The following PCDHGA9 variants were observed in gnomAD, a reference collection of about 807,000 sequenced individuals.
PCDHGA9 encodes protocadherin gamma subfamily A, 9, also known as protocadherin gamma-A9.
A neutral mutation model predicts 62.5 loss-of-function variants in PCDHGA9; 37 were observed. That is an observed-to-expected ratio of 0.59 (90% CI 0.46 to 0.78). The LOEUF (loss-of-function observed/expected upper bound fraction) is 0.78. Among genes scored for constraint, PCDHGA9 ranks in the 30% least tolerant of loss-of-function variants. The probability of loss-of-function intolerance (pLI) is 0.00; values close to 1 mark genes in which losing one functional copy is unlikely to be tolerated. For synonymous variants in PCDHGA9, 459 were observed against 484.6 expected, an observed-to-expected ratio of 0.95 and a Z score of 0.69; for missense variants, 1,138 against 1,166.2, an observed-to-expected ratio of 0.98 and a Z score of 0.35.
Position 141,476,279 on chromosome 5 carries a change from G to T in PCDHGA9, c.2425-18528G>T. The T allele has an allele frequency of 6.2e-7, 1 of 1,614,148 alleles. No individual in the cohort carries two copies. Among genetic ancestry groups the T allele is most frequent in the Non-Finnish European group, 8.5e-7 (1 of 1,180,024 alleles). On this transcript the variant is annotated intron_variant, in intron 1 of 3. Coordinates refer to ENST00000573521, the MANE Select transcript of PCDHGA9 (RefSeq NM_018921.3). This position sits in a 1 kb window ranked among gnomAD's most constrained non-coding sequence, Gnocchi z 7.6. ...TGTGGGCAACGTGGTCGCGAACCTT[G>T]GTTTGGATCTCGGTAGCCTCTCAGC...
chr5:141,408,728 C>A lies in PCDHGA9; in HGVS notation c.2424+3352C>A, dbSNP rs371316574. 3.7e-6 allele frequency: 6 copies of A among 1,610,174 alleles called. No individual in the cohort carries two copies. In the African/African-American group the frequency reaches 8.0e-5, roughly 22 times the overall value. ...TAAAGATTATAAGATAAACTCTAATCCTTATTTTTCATTAATGGTTAGAGT... is the reference window on the plus strand; with the variant it reads ...TAAAGATTATAAGATAAACTCTAATACTTATTTTTCATTAATGGTTAGAGT... On this transcript the variant is annotated intron_variant, in intron 1 of 3. Transcript: ENST00000573521.
intron 1 of PCDHGA9, among the ~76,000 whole-genome samples, chr5:141,488,007 G>A (rs1269050547): frequency 6.6e-6 from 1 of 152,178 alleles, no homozygotes; most frequent in African/African-American, 2.4e-5. Flanking sequence ...ATCAGATTCT[G>A]AAGTACCTTA....
At chr5:141,415,318 C>T (rs1324377536) in intron 1 of PCDHGA9, 4 of 1,614,252 alleles carry the variant, frequency 2.5e-6, no homozygotes, top group Admixed American at 1.7e-5. Flanking sequence ...CGTCATCGTG[C>T]TGCTGGCGCA....
In PCDHGA9 at chr5:141,476,742, G is replaced by C. The variant is rs1015622831; in HGVS notation, c.2425-18065G>C. 8.7e-6 allele frequency: 14 copies of C among 1,613,936 alleles called. No homozygotes were observed. Among genetic ancestry groups the C allele is most frequent in the Non-Finnish European group, 1.1e-5 (13 of 1,180,032 alleles). On this transcript the variant is annotated intron_variant, in intron 1 of 3. Transcript: ENST00000573521. The surrounding 1 kb of genome is among the most constrained non-coding windows in gnomAD (Gnocchi z 7.6). ...GCCCTGGACCGAGAACGGGAGCCTA[G>C]TCTCCAGTTAGTGCTGACGGCGTTG...
rs1219684339 is a variant in PCDHGA9, at chr5:141,506,444, CAA to C, written c.2572+983_2572+984del. Among the ~76,000 whole-genome samples the C allele has an allele frequency of 5.9e-3, 564 of 95,004 alleles. 2 individuals carry two copies. The highest frequency in any genetic ancestry group is 0.013 in the African/African-American group (317 of 25,186). 62.3% of individuals were successfully genotyped at this position (95,004 alleles called of 152,430 possible). Reference sequence around the variant, plus strand: ...CCTGGGCAACAGTCTCGCTCTGTCTCAAAAAAAAAAAAAAAAAAAAAGAGCAC... The same window carrying C: ...CCTGGGCAACAGTCTCGCTCTGTCTCAAAAAAAAAAAAAAAAAAAGAGCAC... On this transcript the variant is annotated intron_variant, in intron 3 of 3. Transcript: ENST00000573521.
chr5:141,420,974 T>C, intron 1 of PCDHGA9: 1 of 460,696 alleles, frequency 2.2e-6, no homozygotes, highest in Non-Finnish European at 3.8e-6. Flanking sequence ...ATAATAAGAA[T>C]GGGCTCTAGG....
At chr5:141,502,398 C>T (rs1303456458) in intron 2 of PCDHGA9, among the ~76,000 whole-genome samples, 1 of 151,688 alleles carries the variant, frequency 6.6e-6, no homozygotes, top group Non-Finnish European at 1.5e-5. Flanking sequence ...TTAAAATGTC[C>T]CCGAACCTGG....
intron 2 of PCDHGA9, among the ~76,000 whole-genome samples, chr5:141,503,518 G>A (rs576791899): frequency 6.7e-6 from 1 of 149,524 alleles, no homozygotes; most frequent in East Asian, 2.0e-4. Flanking sequence ...AGAATCACTT[G>A]AACCTGGGAG....
rs149649459 is a variant in PCDHGA9, at chr5:141,505,183, G to A, written c.2484-210G>A. ...TCTAAAACAAAAAGAAAAAAGCATC[G>A]GAGGCAGCAAAGAGCTGGTTTGAGG... On this transcript the variant is annotated intron_variant, in intron 2 of 3. Transcript: ENST00000573521. Among the ~76,000 whole-genome samples, 214 of 152,244 alleles carry A rather than the reference G, an allele frequency of 1.4e-3. 1 individual carries two copies. Among genetic ancestry groups the A allele is most frequent in the African/African-American group, 4.8e-3 (200 of 41,530 alleles).
At chr5:141,456,701 G>C (rs370086323) in intron 1 of PCDHGA9, among the ~76,000 whole-genome samples, 1 of 151,988 alleles carries the variant, frequency 6.6e-6, no homozygotes. Flanking sequence ...GTGGTGGCTC[G>C]CGCCTGTAAT....
intron 2 of PCDHGA9, among the ~76,000 whole-genome samples, chr5:141,497,578 T>C (rs2099778035): frequency 1.3e-5 from 2 of 150,806 alleles, no homozygotes; most frequent in South Asian, 4.2e-4. Context: ...CTTGCTCTGT[T>C]GCCCAAGCTG....
In PCDHGA9 at chr5:141,487,198, T is replaced by C; in HGVS notation, c.2425-7609T>C. ...AAGACACTCATCCAGTTGTCCCAGA[T>C]CTTCGAGAATCTTCAGCTCCAAGGG... On this transcript the variant is annotated intron_variant, in intron 1 of 3. Transcript: ENST00000573521. The surrounding 1 kb of genome is among the most constrained non-coding windows in gnomAD (Gnocchi z 5.0). The C allele has an allele frequency of 6.2e-7, 1 of 1,613,854 alleles. No homozygotes were observed.
intron 1 of PCDHGA9, among the ~76,000 whole-genome samples, chr5:141,450,022 T>TTTTC: frequency 6.7e-6 from 1 of 149,424 alleles, no homozygotes; most frequent in Admixed American, 6.7e-5. Context: ...TTTTTTTTTT[T>TTTTC]TTGAGACAGG....
chr5:141,499,029 A>AAGGAAGGAAGG lies in PCDHGA9; in HGVS notation c.2483+4165_2483+4166insGGAAGGAAGGA, dbSNP rs1562187768. ...GGAAGGAAGGAAGGAAGGAAGGAAG[A>AAGGAAGGAAGG]AAAGAAAGAAAAAGGGAGAAAAAAT... On this transcript the variant is annotated intron_variant, in intron 2 of 3. Transcript: ENST00000573521. 4.1e-4 allele frequency among the ~76,000 whole-genome samples: 57 copies of AAGGAAGGAAGG among 140,074 alleles called. 2 individuals are homozygous for AAGGAAGGAAGG. Among genetic ancestry groups the AAGGAAGGAAGG allele is most frequent in the African/African-American group, 1.4e-3 (52 of 36,074 alleles). 91.9% of individuals were successfully genotyped at this position (140,074 alleles called of 152,430 possible).
At chr5:141,408,936 A>T in intron 1 of PCDHGA9, 4 of 1,613,548 alleles carry the variant, frequency 2.5e-6, no homozygotes, top group Non-Finnish European at 1.7e-6. Flanking sequence ...TTCAGCAGAG[A>T]CGAATATAGA....
chr5:141,475,820 C>T (rs890721743), intron 1 of PCDHGA9: 2 of 351,808 alleles, frequency 5.7e-6, no homozygotes, highest in African/African-American at 2.1e-5. Context: ...AAGTTCCTGG[C>T]GCTAGCGCGT....
At chr5:141,480,195 G>A (rs1350891459) in intron 1 of PCDHGA9, among the ~76,000 whole-genome samples, 1 of 151,182 alleles carries the variant, frequency 6.6e-6, no homozygotes, top group Non-Finnish European at 1.5e-5. Context: ...CTTGAGGCCA[G>A]CAGTTCAAGA....
Position 141,431,278 on chromosome 5 carries a change from C to A in PCDHGA9, c.2424+25902C>A, listed in dbSNP as rs755533628. On this transcript the variant is annotated intron_variant, in intron 1 of 3. Transcript: ENST00000573521. The surrounding 1 kb of genome is among the most constrained non-coding windows in gnomAD (Gnocchi z 4.8). ...ACTCTCTGCAGAGCTACGAGCTCAG[C>A]CCGAACACTCACTTCTCCCTCATCG... 6.2e-7 allele frequency: 1 copy of A among 1,614,170 alleles called. No individual in the cohort carries two copies. The highest frequency in any genetic ancestry group is 8.5e-7 in the Non-Finnish European group (1 of 1,180,038).
Position 141,402,937 on chromosome 5 carries a change from C to A in PCDHGA9, c.-16C>A. On this transcript the variant is annotated 5_prime_UTR_variant, in exon 1 of 4. Coordinates refer to ENST00000573521, the MANE Select transcript of PCDHGA9 (RefSeq NM_018921.3). The stretch of plus-strand genomic sequence containing the variant: ...GCACAGAGATCCTTTTGAGAAAATT[C>A]CAAAGCGAGGCAGCAATGGCAGCTC... 1.3e-6 allele frequency: 2 copies of A among 1,588,498 alleles called. No homozygotes were observed. The highest frequency in any genetic ancestry group is 1.7e-6 in the Non-Finnish European group (2 of 1,166,722).
Sources: gnomAD v4.1 joint callset for allele counts (sites outside exome capture counted in the v4.1 genomes callset) on GRCh38, gnomAD v4.1.1 for gene constraint, Gnocchi (gnomAD v3.1) non-coding constraint, MANE v1.5 for transcripts, NCBI Gene and HGNC (gene_info 2026-07-23, HGNC 2026-07-21) for gene names.